SLC37A2: variants seen among roughly 807,000 people sequenced by gnomAD.
SLC37A2 encodes glucose-6-phosphate exchanger SLC37A2.
SLC37A2 carries 59 observed loss-of-function variants against 70.7 expected under a neutral mutation model. The ratio of observed to expected loss-of-function variants is 0.83; its 90% CI spans 0.68 to 1.04. SLC37A2 has a LOEUF of 1.04. Among genes scored for constraint, SLC37A2 ranks in the 50% least tolerant of loss-of-function variants. The pLI, the probability that SLC37A2 is intolerant of heterozygous loss-of-function variation, is 0.00. For synonymous variants in SLC37A2, 257 were observed against 262.1 expected, an observed-to-expected ratio of 0.98 and a Z score of 0.19; for missense variants, 580 against 658.1, an observed-to-expected ratio of 0.88 and a Z score of 1.30.
intron 1 of SLC37A2, among the ~76,000 whole-genome samples, chr11:125,075,115 A>G (rs904660522): frequency 2.6e-5 from 4 of 152,206 alleles, no homozygotes; most frequent in African/African-American, 9.6e-5. Context: ...ACAGGCAATT[A>G]GTGAGAGGTG....
intron 11 of SLC37A2, among the ~76,000 whole-genome samples, 173 bp from the exon 12 acceptor site, chr11:125,084,060 TG>T (rs1265506336): frequency 6.6e-6 from 1 of 152,128 alleles, no homozygotes; most frequent in East Asian, 1.9e-4. Flanking sequence ...GATGCCCTTT[TG>T]TTTGGTCTCC....
chr11:125,072,115 G>A (rs767505236), intron 1 of SLC37A2, among the ~76,000 whole-genome samples: 1 of 152,044 alleles, frequency 6.6e-6, no homozygotes, highest in South Asian at 2.1e-4. Context: ...GCTGTTTCTT[G>A]TTTTTTGCTG....
chr11:125,070,839 C>T (rs1160062409), intron 1 of SLC37A2, among the ~76,000 whole-genome samples: 1 of 152,232 alleles, frequency 6.6e-6, no homozygotes, highest in Non-Finnish European at 1.5e-5. Flanking sequence ...TTCCACCCTG[C>T]TGTTTCCTCT....
intron 1 of SLC37A2, among the ~76,000 whole-genome samples, chr11:125,069,686 T>C (rs987903623): frequency 6.6e-6 from 1 of 152,208 alleles, no homozygotes; most frequent in African/African-American, 2.4e-5. Flanking sequence ...TCTGAAGTAG[T>C]AACATGTAGC....
Position 125,079,175 on chromosome 11 carries a change from C to T in SLC37A2, c.378C>T (p.Gly126=). ...TCTCAGCTGGAATGCTGCTCAGTGG[C>T]CTTTTCACCTCGCTCTTTGGCCTGG... ...YYLSAGMLLS[G]LFTSLFGLGY... The change falls in exon 5 of 18, where the codon GGC becomes GGT. Residue 126 remains glycine, a synonymous_variant. Transcript: ENST00000403796. 6.2e-7 allele frequency: 1 copy of T among 1,614,206 alleles called. No individual in the cohort carries two copies. The highest frequency in any genetic ancestry group is 8.5e-7 in the Non-Finnish European group (1 of 1,180,032).
rs1186962257 is a variant in SLC37A2, at chr11:125,081,744, C to T, written c.733-10C>T. The T allele has an allele frequency of 5.7e-6, 9 of 1,575,624 alleles. No individual in the cohort carries two copies. Among genetic ancestry groups the T allele is most frequent in the East Asian group, 2.3e-5 (1 of 44,340 alleles). ...ACGCACCCACAGCAGGGCTCATCTC[C>T]TCTGCTCAGGGTGAGCCAGCTGAGA... On this transcript the variant is annotated splice_polypyrimidine_tract_variant and intron_variant, in intron 8 of 17. Coordinates refer to ENST00000403796, the MANE Select transcript of SLC37A2 (RefSeq NM_001145290.2).
At chr11:125,081,687 T>C in intron 8 of SLC37A2, 67 bp from the exon 9 acceptor site, 1 of 1,513,430 alleles carries the variant, frequency 6.6e-7, no homozygotes, top group Non-Finnish European at 8.9e-7. Flanking sequence ...TTGCCTGGGC[T>C]GCACCTTCAG....
In SLC37A2 at chr11:125,085,963, C is replaced by T. The variant is rs753036241; in HGVS notation, c.1435C>T (p.Arg479Trp). ...ADVLACLLLCRLVYKEILAWK... is the reference protein window; with the variant it reads ...ADVLACLLLCWLVYKEILAWK... ...GCCTTGTGCTCCACAGCTCCTTTGC[C>T]GGTTAGTATACAAAGAGATCTTGGC... Residue 479 changes from arginine to tryptophan, a missense_variant, in exon 17 of 18, where the codon CGG becomes TGG. Transcript: ENST00000403796. 1.4e-5 allele frequency: 23 copies of T among 1,614,090 alleles called. No individual in the cohort carries two copies. The highest frequency in any genetic ancestry group is 1.6e-4 in the Middle Eastern group (1 of 6,062).
chr11:125,079,881 G>A (rs1158029185), intron 6 of SLC37A2, 121 bp downstream of exon 6: 1 of 755,022 alleles, frequency 1.3e-6, no homozygotes, highest in Non-Finnish European at 2.3e-6. Flanking sequence ...CCACGTTGCT[G>A]TTCACGTGCT....
intron 1 of SLC37A2, among the ~76,000 whole-genome samples, chr11:125,067,239 AC>A (rs1948990546): frequency 6.6e-6 from 1 of 151,844 alleles, no homozygotes; most frequent in Non-Finnish European, 1.5e-5. Flanking sequence ...TCATCCTCCC[AC>A]CTCATCCTCC....
chr11:125,085,713 G>T, intron 16 of SLC37A2, 39 bp downstream of exon 16: 1 of 1,595,088 alleles, frequency 6.3e-7, no homozygotes. Context: ...ATTGAGGGAT[G>T]CTCTGTCCTG....
chr11:125,087,515 G>A (rs1949232547), intron 17 of SLC37A2: 1 of 153,194 alleles, frequency 6.5e-6, no homozygotes, highest in Admixed American at 6.5e-5. Flanking sequence ...TATGAATGGG[G>A]ATGCTTATCC....
intron 1 of SLC37A2, among the ~76,000 whole-genome samples, chr11:125,075,193 GT>G (rs1332214336): frequency 6.6e-6 from 1 of 152,222 alleles, no homozygotes; most frequent in Admixed American, 6.5e-5. Flanking sequence ...GCTGCTATCT[GT>G]AGGACTGCAG....
Position 125,084,457 on chromosome 11 carries a change from G to C in SLC37A2, c.1125+138G>C, listed in dbSNP as rs886526270. 2.0e-5 allele frequency: 18 copies of C among 914,352 alleles called. 1 individual carries two copies. The Admixed American group carries it at 2.7e-4, about 14-fold the overall frequency. 56.6% of individuals were successfully genotyped at this position (914,352 alleles called of 1,614,324 possible). On this transcript the variant is annotated intron_variant, in intron 12 of 17. Coordinates refer to ENST00000403796, the MANE Select transcript of SLC37A2 (RefSeq NM_001145290.2). ...TGCACATGCATCATTGTGCACACAC[G>C]GGGGAGGAGAAGCGAGGGTCAGCAG...
chr11:125,064,151 C>G (rs567425554), intron 1 of SLC37A2, among the ~76,000 whole-genome samples: 2 of 152,164 alleles, frequency 1.3e-5, no homozygotes, highest in Non-Finnish European at 2.9e-5. Flanking sequence ...CCATTATTTA[C>G]AAATCATAAA....
At chr11:125,081,189 G>A (rs1455632816) in intron 7 of SLC37A2, among the ~76,000 whole-genome samples, 1 of 152,120 alleles carries the variant, frequency 6.6e-6, no homozygotes, top group Non-Finnish European at 1.5e-5. Context: ...TAAAGTCCAA[G>A]AGGCAGTAGT....
At chr11:125,077,416 C>T (rs1041714744) in intron 3 of SLC37A2, 34 bp from the exon 4 acceptor site, 4 of 1,603,640 alleles carry the variant, frequency 2.5e-6, no homozygotes, top group South Asian at 1.1e-5. Context: ...GGCATCCACG[C>T]AGTCAGCTTT....
chr11:125,065,320 A>G (rs1948970231), intron 1 of SLC37A2, among the ~76,000 whole-genome samples: 1 of 152,210 alleles, frequency 6.6e-6, no homozygotes, highest in South Asian at 2.1e-4. Flanking sequence ...TTGTGGCTGC[A>G]AGTGTGTTAG....
At position 125,080,541 on chromosome 11, in the gene SLC37A2, G is replaced by A. The variant is rs1949134802; in HGVS notation, c.528-73G>A. 13 of 1,332,802 alleles carry A rather than the reference G, an allele frequency of 9.8e-6. No homozygotes were observed. The highest frequency in any genetic ancestry group is 1.3e-5 in the Non-Finnish European group (13 of 1,019,524). The allele number at this position is 1,332,802 out of a possible 1,614,324, so 82.6% of individuals were successfully genotyped here. On this transcript the variant is annotated intron_variant, in intron 6 of 17. Transcript: ENST00000403796. This position sits in a 1 kb window ranked among gnomAD's most constrained non-coding sequence, Gnocchi z 4.3. ...GTCAGCCCAGCTTTAGAGCTTGGCTGGGGCAGTTGCTATGAACAATGTGCT... is the reference window on the plus strand; with the variant it reads ...GTCAGCCCAGCTTTAGAGCTTGGCTAGGGCAGTTGCTATGAACAATGTGCT...
Sources: allele counts gnomAD v4.1 joint callset (sites outside exome capture counted in the v4.1 genomes callset), GRCh38; gene constraint gnomAD v4.1.1; non-coding constraint Gnocchi (gnomAD v3.1); transcripts MANE v1.5; gene names NCBI Gene and HGNC (gene_info 2026-07-23, HGNC 2026-07-21).